ABCC12: variants seen among roughly 807,000 people sequenced by gnomAD.
The protein encoded by ABCC12 is ATP-binding cassette sub-family C member 12.
ABCC12 carries 142 observed loss-of-function variants against 151.1 expected under a neutral mutation model. That is an observed-to-expected ratio of 0.94 (90% CI 0.82 to 1.08). The LOEUF is 1.08. ABCC12 is among the 50% of genes least tolerant of loss of function. The probability of loss-of-function intolerance (pLI) is 0.00; values close to 1 mark genes in which losing one functional copy is unlikely to be tolerated. For missense variants in ABCC12, 1,638 were observed against 1,691.1 expected (o/e 0.97, Z 0.55); for synonymous variants, 645 against 646.4 (o/e 1.00, Z 0.03).
intron 22 of ABCC12, among the ~76,000 whole-genome samples, chr16:48,102,791 T>C (rs1187686428): frequency 6.6e-6 from 1 of 152,194 alleles, no homozygotes; most frequent in African/African-American, 2.4e-5. Context: ...CTTCTCCTCC[T>C]GCACCACACG....
chr16:48,121,007 T>G (rs1597315592), intron 13 of ABCC12, among the ~76,000 whole-genome samples: 2 of 152,198 alleles, frequency 1.3e-5, no homozygotes, highest in Non-Finnish European at 2.9e-5. Flanking sequence ...TATAATACAT[T>G]AAAATTTATC....
chr16:48,153,053 T>C (rs1302884928), intron 2 of ABCC12, among the ~76,000 whole-genome samples: 1 of 152,206 alleles, frequency 6.6e-6, no homozygotes, highest in African/African-American at 2.4e-5. Flanking sequence ...GTACTTTACT[T>C]TCTTTCATCC....
chr16:48,155,452 TG>T (rs1054684311), intron 1 of ABCC12, among the ~76,000 whole-genome samples: 3 of 151,590 alleles, frequency 2.0e-5, no homozygotes, highest in Admixed American at 6.6e-5. Context: ...TCTTTTTTTT[TG>T]GGGGGGAGGT....
chr16:48,088,794 T>G (rs1962748837), intron 25 of ABCC12, 60 bp from the exon 26 acceptor site: 5 of 1,416,034 alleles, frequency 3.5e-6, no homozygotes, highest in Non-Finnish European at 4.9e-6. Flanking sequence ...CTTATTTAAC[T>G]AATTCATTCA....
intron 22 of ABCC12, 23 bp downstream of exon 22, chr16:48,104,119 G>T: frequency 6.2e-7 from 1 of 1,607,294 alleles, no homozygotes; most frequent in Non-Finnish European, 8.5e-7. Flanking sequence ...TCGTTTTCTC[G>T]TGTAAATAGC....
intron 18 of ABCC12, among the ~76,000 whole-genome samples, chr16:48,110,730 C>A (rs1432726671): frequency 1.3e-5 from 2 of 152,122 alleles, no homozygotes; most frequent in Non-Finnish European, 2.9e-5. Context: ...CCTTGAGGGA[C>A]CAGTCCGAAG....
In ABCC12 at chr16:48,084,947, C is replaced by G. The variant is rs1024749671; in HGVS notation, c.3828+646G>C. Among the ~76,000 whole-genome samples the G allele has an allele frequency of 2.0e-5, 3 of 152,100 alleles. No individual in the cohort carries two copies. In the East Asian group the frequency reaches 5.8e-4, roughly 30 times the overall value. On this transcript the variant is annotated intron_variant, in intron 29 of 30. Coordinates refer to ENST00000311303, the MANE Select transcript of ABCC12 (RefSeq NM_001393797.1). ...TAACTTCCCCGAGGCTCTGTTCCCT[C>G]GTAGGTGAAAGGGGGCTATGCCTTA...
chr16:48,121,672 G>T, intron 13 of ABCC12, 44 bp downstream of exon 13: 3 of 1,611,508 alleles, frequency 1.9e-6, no homozygotes, highest in Non-Finnish European at 2.5e-6. Context: ...AGGAGAGTGT[G>T]TACCAAACAC....
intron 18 of ABCC12, among the ~76,000 whole-genome samples, chr16:48,109,638 G>A (rs1264042581): frequency 6.6e-6 from 1 of 152,224 alleles, no homozygotes; most frequent in African/African-American, 2.4e-5. Flanking sequence ...TCGCTGCCTG[G>A]GAACCTGGAG....
chr16:48,085,113 G>A (rs547850639), intron 29 of ABCC12, among the ~76,000 whole-genome samples: 13 of 152,174 alleles, frequency 8.5e-5, no homozygotes, highest in Non-Finnish European at 1.9e-4. Context: ...TCTTTGATGA[G>A]GCTTCAGAGA....
rs771629677 is a variant in ABCC12, at chr16:48,088,745, G to A, written c.3286-11C>T. The A allele has an allele frequency of 2.7e-5, 43 of 1,599,384 alleles. 1 individual carries two copies. The South Asian group carries it at 4.2e-4, about 16-fold the overall frequency. On this transcript the variant is annotated splice_polypyrimidine_tract_variant and intron_variant, in intron 25 of 30. Coordinates refer to ENST00000311303, the MANE Select transcript of ABCC12 (RefSeq NM_001393797.1). ...TTCAGGAACACAGGTCTGTAAAGGA[G>A]AATAACCAATGACCAGTGACTAGCC...
At chr16:48,132,968 C>T (rs922217249) in intron 9 of ABCC12, among the ~76,000 whole-genome samples, 1 of 152,174 alleles carries the variant, frequency 6.6e-6, no homozygotes, top group Non-Finnish European at 1.5e-5. Flanking sequence ...GCAGACTGGG[C>T]TCCTAAGCCC....
chr16:48,123,710 CAA>C (rs1299838834), intron 12 of ABCC12, among the ~76,000 whole-genome samples: 1 of 152,192 alleles, frequency 6.6e-6, no homozygotes, highest in East Asian at 1.9e-4. Flanking sequence ...TGGGGTCACC[CAA>C]CTAGAAGGAG....
chr16:48,108,288 T>A (rs1015852603), intron 19 of ABCC12, 152 bp downstream of exon 19: 6 of 692,352 alleles, frequency 8.7e-6, no homozygotes, highest in Non-Finnish European at 1.4e-5. Flanking sequence ...CAGACGTTAG[T>A]TTTTAGGAGG....
chr16:48,101,089 T>C (rs1963292253), intron 22 of ABCC12, 80 bp from the exon 23 acceptor site: 5 of 1,517,528 alleles, frequency 3.3e-6, no homozygotes, highest in Non-Finnish European at 3.6e-6. Context: ...CAGAGCCAAC[T>C]AGGCACTCAG....
At chr16:48,097,464 TG>T (rs1427007358) in intron 23 of ABCC12, among the ~76,000 whole-genome samples, 2 of 152,186 alleles carry the variant, frequency 1.3e-5, no homozygotes, top group Non-Finnish European at 2.9e-5. Context: ...CTTATAAAGC[TG>T]GGAGCTTCTT....
intron 22 of ABCC12, among the ~76,000 whole-genome samples, chr16:48,102,783 T>C (rs1238697357): frequency 6.6e-6 from 1 of 152,106 alleles, no homozygotes; most frequent in Non-Finnish European, 1.5e-5. Flanking sequence ...CCAAACCGCT[T>C]CTCCTCCTGC....
chr16:48,139,575 C>A (rs1283097091), intron 6 of ABCC12, among the ~76,000 whole-genome samples: 1 of 152,188 alleles, frequency 6.6e-6, no homozygotes, highest in Non-Finnish European at 1.5e-5. Flanking sequence ...ATGTTACCAT[C>A]TGGGAGCATG....
chr16:48,095,634 T>C (rs1393144326), intron 24 of ABCC12, among the ~76,000 whole-genome samples: 1 of 146,272 alleles, frequency 6.8e-6, no homozygotes, highest in Non-Finnish European at 1.5e-5. Context: ...ACATGGAAAC[T>C]GAGAGAAAAG....
Sources: allele counts gnomAD v4.1 joint callset (sites outside exome capture counted in the v4.1 genomes callset), GRCh38; gene constraint gnomAD v4.1.1; transcripts MANE v1.5; gene names NCBI Gene and HGNC (gene_info 2026-07-23, HGNC 2026-07-21).